Variants in SHANK2 observed in about 807,000 individuals in gnomAD.
SHANK2 encodes the protein SH3 and multiple ankyrin repeat domains 2.
Under a neutral mutation model 133.7 loss-of-function variants are expected in SHANK2, and 43 were observed. The ratio of observed to expected loss-of-function variants is 0.32; its 90% CI spans 0.25 to 0.41. SHANK2 has a LOEUF of 0.41. SHANK2 is among the 10% of genes least tolerant of loss of function. The pLI is 1.00. For synonymous variants in SHANK2, 1,017 were observed against 952.8 expected (o/e 1.07, Z -1.24); for missense variants, 1,994 against 2,235.8 (o/e 0.89, Z 2.18).
chr11:70,660,685 G>A (rs1408919405), intron 16 of SHANK2, among the ~76,000 whole-genome samples: 3 of 152,216 alleles, frequency 2.0e-5, no homozygotes, highest in Non-Finnish European at 4.4e-5. Context: ...CCAGCAGGGG[G>A]AGGGGAGAGC....
At chr11:71,092,345 C>T in intron 8 of SHANK2, 77 bp downstream of exon 8, 1 of 1,510,690 alleles carries the variant, frequency 6.6e-7, no homozygotes, top group Non-Finnish European at 9.0e-7. Flanking sequence ...TTGGGCCACC[C>T]TGCTTATCTG....
intron 17 of SHANK2, among the ~76,000 whole-genome samples, chr11:70,614,228 C>T (rs112666956): frequency 0.018 from 2,810 of 152,194 alleles, 48 homozygotes; most frequent in Non-Finnish European, 0.024. Flanking sequence ...GGAGGGAGCG[C>T]TGCCCTGCTG....
intron 13 of SHANK2, 38 bp from the exon 14 acceptor site, chr11:70,798,594 G>C (rs1156320390): frequency 4.2e-6 from 3 of 717,478 alleles, no homozygotes; most frequent in Non-Finnish European, 7.8e-6. Context: ...TAGCAGGGGG[G>C]ACGTGGAGGG....
chr11:71,117,730 T>C (rs1952005425), intron 4 of SHANK2, among the ~76,000 whole-genome samples: 1 of 152,164 alleles, frequency 6.6e-6, no homozygotes, highest in Admixed American at 6.5e-5. Context: ...TCCACAGGGA[T>C]GGAAGCTCCT....
chr11:71,221,169 C>A (rs1954529657), intron 2 of SHANK2, among the ~76,000 whole-genome samples: 1 of 150,940 alleles, frequency 6.6e-6, no homozygotes, highest in Non-Finnish European at 1.5e-5. Context: ...CCACTGCACT[C>A]CAGCCTGGGC....
intron 1 of SHANK2, among the ~76,000 whole-genome samples, chr11:71,245,112 C>G (rs1435232493): frequency 6.6e-6 from 1 of 152,096 alleles, no homozygotes; most frequent in Non-Finnish European, 1.5e-5. Context: ...TCCTGAGTAG[C>G]TGGGACCACA....
intron 2 of SHANK2, among the ~76,000 whole-genome samples, chr11:71,162,097 T>C (rs1953033073): frequency 6.6e-6 from 1 of 152,228 alleles, no homozygotes; most frequent in African/African-American, 2.4e-5. Context: ...CTTGGTGAAT[T>C]AACCAATGAA....
Position 70,487,463 on chromosome 11 carries a change from T to C in SHANK2, c.2830A>G (p.Met944Val). The C allele has an allele frequency of 1.2e-6, 2 of 1,613,970 alleles. No individual in the cohort carries two copies. Among genetic ancestry groups the C allele is most frequent in the African/African-American group, 2.7e-5 (2 of 75,000 alleles). ...AAGTACATCCCCTTCTCCCTCATCA[T>C]GGTGGCCACGGTGTCGGACCTGGTG... is the stretch of plus-strand genomic sequence containing the variant. The part of the protein sequence containing the change: ...PATRSDTVAT[M>V]MREKGMYFRR... The change falls in exon 25 of 26, where the codon ATG (methionine) becomes GTG (valine). Residue 944 changes from methionine (M) to valine (V), a missense_variant. Coordinates refer to ENST00000601538, the MANE Select transcript of SHANK2 (RefSeq NM_012309.5). This position sits in a 1 kb window ranked among gnomAD's most constrained non-coding sequence, Gnocchi z 5.8.
At chr11:70,590,946 T>C (rs1250423879) in intron 17 of SHANK2, among the ~76,000 whole-genome samples, 1 of 152,170 alleles carries the variant, frequency 6.6e-6, no homozygotes, top group Non-Finnish European at 1.5e-5. Context: ...GGCAGATTCA[T>C]TGCTTATAAT....
At chr11:70,857,612 C>T (rs1949191842) in intron 11 of SHANK2, among the ~76,000 whole-genome samples, 1 of 152,174 alleles carries the variant, frequency 6.6e-6, no homozygotes, top group African/African-American at 2.4e-5. Context: ...AAGCAGTTGA[C>T]ATACGGGTTC....
At chr11:70,913,926 AC>A (rs1293116136) in intron 10 of SHANK2, among the ~76,000 whole-genome samples, 2 of 152,216 alleles carry the variant, frequency 1.3e-5, no homozygotes, top group African/African-American at 4.8e-5. Context: ...TAATGCTGCC[AC>A]ACTTCATTAG....
At chr11:70,601,234 T>G (rs1222226108) in intron 17 of SHANK2, among the ~76,000 whole-genome samples, 1 of 151,950 alleles carries the variant, frequency 6.6e-6, no homozygotes, top group Non-Finnish European at 1.5e-5. Flanking sequence ...TTTTTTCTTT[T>G]TTTTGAGACA....
At chr11:71,197,014 A>C (rs1364936459) in intron 2 of SHANK2, among the ~76,000 whole-genome samples, 1 of 150,996 alleles carries the variant, frequency 6.6e-6, no homozygotes, top group Non-Finnish European at 1.5e-5. Context: ...AAAAAAAAAA[A>C]AAAAACCCAT....
chr11:70,578,380 C>A (rs2060142988), intron 17 of SHANK2, among the ~76,000 whole-genome samples: 1 of 152,226 alleles, frequency 6.6e-6, no homozygotes, highest in African/African-American at 2.4e-5. Flanking sequence ...GGAATGGCAC[C>A]TTCCCTGCTC....
intron 2 of SHANK2, among the ~76,000 whole-genome samples, chr11:71,155,038 C>T (rs1419790007): frequency 1.6e-5 from 2 of 121,758 alleles, no homozygotes; most frequent in East Asian, 2.8e-4. Context: ...CCCCAGCCCA[C>T]GCTCCCAGAG....
chr11:70,545,241 C>T (rs782448348), intron 17 of SHANK2, among the ~76,000 whole-genome samples: 43 of 152,270 alleles, frequency 2.8e-4, no homozygotes, highest in African/African-American at 5.1e-4. Context: ...CCGGAGGCAG[C>T]GTCGCATTGC....
At chr11:70,698,957 C>T (rs1183739851) in intron 14 of SHANK2, among the ~76,000 whole-genome samples, 194 bp from the exon 15 acceptor site, 6 of 152,134 alleles carry the variant, frequency 3.9e-5, no homozygotes, top group African/African-American at 1.4e-4. Context: ...AATGCATGTG[C>T]ACCTCAATGC....
chr11:70,473,698 C>T lies in SHANK2; in HGVS notation c.4980-259G>A. 1 of 569,182 alleles carries T rather than the reference C, an allele frequency of 1.8e-6. No individual in the cohort carries two copies. Among genetic ancestry groups the T allele is most frequent in the East Asian group, 3.3e-5 (1 of 30,032 alleles). 35.3% of individuals were successfully genotyped at this position (569,182 alleles called of 1,614,324 possible). On this transcript the variant is annotated intron_variant, in intron 25 of 25. Transcript: ENST00000601538. The surrounding 1 kb of genome is among the most constrained non-coding windows in gnomAD (Gnocchi z 5.9). ...TGGGACAGAGGGGCTGGGGGACCTGCCTGTGCTGGGGGGAGCACACCACGT... is the reference window on the plus strand; with the variant it reads ...TGGGACAGAGGGGCTGGGGGACCTGTCTGTGCTGGGGGGAGCACACCACGT...
chr11:70,587,622 T>A (rs2060270845), intron 17 of SHANK2, among the ~76,000 whole-genome samples: 1 of 152,074 alleles, frequency 6.6e-6, no homozygotes, highest in African/African-American at 2.4e-5. Flanking sequence ...TATTACCCCT[T>A]GCTTTATTGT....
Sources: gnomAD v4.1 joint callset for allele counts (sites outside exome capture counted in the v4.1 genomes callset) on GRCh38, gnomAD v4.1.1 for gene constraint, Gnocchi (gnomAD v3.1) non-coding constraint, MANE v1.5 for transcripts, NCBI Gene and HGNC (gene_info 2026-07-23, HGNC 2026-07-21) for gene names.